The following CNTNAP2 variants were observed in gnomAD, a reference collection of about 807,000 sequenced individuals.
The protein encoded by CNTNAP2 is contactin associated protein 2.
A neutral mutation model predicts 155.2 loss-of-function variants in CNTNAP2; 98 were observed. That is an observed-to-expected ratio of 0.63 (90% CI 0.54 to 0.75). The LOEUF is 0.75. CNTNAP2 is among the 30% of genes least tolerant of loss of function. The pLI is 0.00. For synonymous variants in CNTNAP2, 651 were observed against 631.2 expected (o/e 1.03, Z -0.47); for missense variants, 1,727 against 1,688.1 (o/e 1.02, Z -0.40).
chr7:146,604,805 T>A (rs1799015203), intron 1 of CNTNAP2, among the ~76,000 whole-genome samples: 1 of 145,012 alleles, frequency 6.9e-6, no homozygotes, highest in South Asian at 2.3e-4. Context: ...ATCATCATTC[T>A]CAGTAAACTA....
intron 8 of CNTNAP2, among the ~76,000 whole-genome samples, chr7:147,272,265 T>C (rs1359228166): frequency 2.0e-5 from 3 of 152,154 alleles, no homozygotes; most frequent in African/African-American, 7.2e-5. Context: ...ACTCATCCTC[T>C]CTTCTGACAC....
rs180873440 is a variant in CNTNAP2, at chr7:147,361,236, A to G, written c.1499-34373A>G. Among the ~76,000 whole-genome samples, 3 of 152,356 alleles carry G rather than the reference A, an allele frequency of 2.0e-5. No individual in the cohort carries two copies. In the East Asian group the frequency reaches 5.8e-4, roughly 29 times the overall value. Reference sequence around the variant, plus strand: ...GATGTATGATCTTCTTGAGAGCTGTATACTCTTTTACCTATTCTGAAAAGT... The same window carrying G: ...GATGTATGATCTTCTTGAGAGCTGTGTACTCTTTTACCTATTCTGAAAAGT... On this transcript the variant is annotated intron_variant, in intron 9 of 23. Transcript: ENST00000361727.
chr7:148,159,529 G>A (rs370960568), intron 17 of CNTNAP2, among the ~76,000 whole-genome samples: 164 of 152,140 alleles, frequency 1.1e-3, no homozygotes, highest in African/African-American at 3.7e-3. Flanking sequence ...TATTTACCAC[G>A]CATCATTTAT....
intron 1 of CNTNAP2, among the ~76,000 whole-genome samples, chr7:146,134,518 A>G (rs1288750348): frequency 8.6e-5 from 13 of 151,388 alleles, no homozygotes; most frequent in South Asian, 6.3e-4. Flanking sequence ...TCCAGTTTTT[A>G]CCCATTCAGT....
chr7:147,182,370 A>C lies in CNTNAP2; in HGVS notation c.1348+49861A>C, dbSNP rs138573281. ...TATTTTTTAAATTACTGTTTTAATA[A>C]ATTTCATTATAGATGCTGGAGTAAT... On this transcript the variant is annotated intron_variant, in intron 8 of 23. Transcript: ENST00000361727. Among the ~76,000 whole-genome samples the C allele has an allele frequency of 8.5e-5, 13 of 152,150 alleles. No homozygotes were observed. In the East Asian group the frequency reaches 2.3e-3, roughly 27 times the overall value.
intron 18 of CNTNAP2, among the ~76,000 whole-genome samples, chr7:148,212,703 G>T (rs1269135978): frequency 6.6e-6 from 1 of 152,122 alleles, no homozygotes; most frequent in African/African-American, 2.4e-5. Context: ...AGAGATGAGA[G>T]AATTGCTTTC....
intron 1 of CNTNAP2, among the ~76,000 whole-genome samples, chr7:146,283,155 T>G (rs1488321294): frequency 6.6e-6 from 1 of 152,236 alleles, no homozygotes; most frequent in Non-Finnish European, 1.5e-5. Flanking sequence ...TAAGTTGATA[T>G]TTAAAATACA....
chr7:146,747,779 C>T (rs182484069), intron 1 of CNTNAP2, among the ~76,000 whole-genome samples: 3 of 152,122 alleles, frequency 2.0e-5, no homozygotes, highest in Admixed American at 2.0e-4. Context: ...CCAGGCAAGT[C>T]CTTACATATA....
At chr7:146,441,576 G>A (rs115057127) in intron 1 of CNTNAP2, among the ~76,000 whole-genome samples, 2,371 of 151,408 alleles carry the variant, frequency 0.016, 151 homozygotes, top group African/African-American at 0.054. Flanking sequence ...GAGTTCATTG[G>A]CCTAAACCTG....
At chr7:147,110,798 C>A (rs1268692733) in intron 5 of CNTNAP2, among the ~76,000 whole-genome samples, 1 of 152,206 alleles carries the variant, frequency 6.6e-6, no homozygotes, top group South Asian at 2.1e-4. Flanking sequence ...AGGTTGATTT[C>A]ATGTCTTTGC....
intron 13 of CNTNAP2, among the ~76,000 whole-genome samples, chr7:147,671,464 A>G (rs1055565624): frequency 6.6e-6 from 1 of 152,216 alleles, no homozygotes; most frequent in Non-Finnish European, 1.5e-5. Context: ...TTCAAATTAT[A>G]TCTCATGAAA....
chr7:147,741,243 G>C (rs973674073), intron 13 of CNTNAP2, among the ~76,000 whole-genome samples: 4 of 152,190 alleles, frequency 2.6e-5, no homozygotes, highest in South Asian at 2.1e-4. Context: ...CTATTCTTCA[G>C]GTCCAGATAA....
In CNTNAP2 at chr7:146,468,211, G is replaced by A. The variant is rs569415071; in HGVS notation, c.98-306060G>A. 1.7e-3 allele frequency among the ~76,000 whole-genome samples: 264 copies of A among 152,194 alleles called. 1 individual carries two copies. Among genetic ancestry groups the A allele is most frequent in the African/African-American group, 5.5e-3 (228 of 41,528 alleles). Reference sequence around the variant, plus strand: ...ATAATAACACAGTATGATAAAGACCGTGATCCCCCACTTGTAGGTAAGAAC... The same window carrying A: ...ATAATAACACAGTATGATAAAGACCATGATCCCCCACTTGTAGGTAAGAAC... On this transcript the variant is annotated intron_variant, in intron 1 of 23. Coordinates refer to ENST00000361727, the MANE Select transcript of CNTNAP2 (RefSeq NM_014141.6).
chr7:146,818,646 T>G (rs1803220090), intron 2 of CNTNAP2, among the ~76,000 whole-genome samples: 1 of 152,166 alleles, frequency 6.6e-6, no homozygotes, highest in Non-Finnish European at 1.5e-5. Context: ...GAAGATTTTG[T>G]TTTTAGCATG....
chr7:146,721,018 TA>T (rs1477698089), intron 1 of CNTNAP2, among the ~76,000 whole-genome samples: 3 of 108,514 alleles, frequency 2.8e-5, no homozygotes, highest in African/African-American at 2.2e-4. Context: ...ATATACTCTA[TA>T]TATTATATAT....
At chr7:146,651,020 AT>A (rs879889006) in intron 1 of CNTNAP2, among the ~76,000 whole-genome samples, 4,474 of 146,356 alleles carry the variant, frequency 0.031, 215 homozygotes, top group African/African-American at 0.1. Flanking sequence ...AACATAGTGA[AT>A]TTTTTTTTTT....
At chr7:148,394,825 AGCCTTGAGGCACT>A (rs370728866) in intron 22 of CNTNAP2, among the ~76,000 whole-genome samples, 1,723 of 152,336 alleles carry the variant, frequency 0.011, 32 homozygotes, top group African/African-American at 0.039. Flanking sequence ...GGAGATAAGC[AGCCTTGAGGCACT>A]GCCTCTGGTA....
At chr7:146,613,389 T>C (rs1407006793) in intron 1 of CNTNAP2, among the ~76,000 whole-genome samples, 1 of 152,212 alleles carries the variant, frequency 6.6e-6, no homozygotes, top group Admixed American at 6.5e-5. Context: ...TTATTCATCA[T>C]ACATAACATT....
At chr7:147,739,822 C>CAT (rs999020502) in intron 13 of CNTNAP2, among the ~76,000 whole-genome samples, 15 of 151,548 alleles carry the variant, frequency 9.9e-5, no homozygotes, top group Admixed American at 2.6e-4. Flanking sequence ...TTATATATTT[C>CAT]ATATATATAT....
Sources: gnomAD v4.1 joint callset for allele counts (sites outside exome capture counted in the v4.1 genomes callset) on GRCh38, gnomAD v4.1.1 for gene constraint, MANE v1.5 for transcripts, NCBI Gene and HGNC (gene_info 2026-07-23, HGNC 2026-07-21) for gene names.